IPO8: variants seen among roughly 807,000 people sequenced by gnomAD.
The protein encoded by IPO8 is importin 8, also known as importin-8.
A neutral mutation model predicts 141.2 loss-of-function variants in IPO8; 65 were observed. The ratio of observed to expected loss-of-function variants is 0.46; its 90% CI spans 0.38 to 0.57. The LOEUF is 0.57. Ranked by LOEUF, IPO8 falls within the 20% of genes least tolerant of loss-of-function variation. The pLI is 0.00. For synonymous variants in IPO8, 411 were observed against 420.3 expected, an observed-to-expected ratio of 0.98 and a Z score of 0.27; for missense variants, 980 against 1,246.8, an observed-to-expected ratio of 0.79 and a Z score of 3.22.
intron 22 of IPO8, among the ~76,000 whole-genome samples, chr12:30,636,111 A>G (rs1371603555): frequency 6.6e-6 from 1 of 152,128 alleles, no homozygotes; most frequent in Non-Finnish European, 1.5e-5. Context: ...ACAAATTAGA[A>G]GCTGTATTTT....
intron 5 of IPO8, chr12:30,677,067 A>G: frequency 5.3e-6 from 8 of 1,521,306 alleles, no homozygotes; most frequent in Non-Finnish European, 7.0e-6. Context: ...TGTGAGTTGC[A>G]GAAGACGGAT....
In IPO8 at chr12:30,662,472, T is replaced by A; in HGVS notation, c.1610A>T (p.Lys537Met). The A allele has an allele frequency of 6.2e-7, 1 of 1,610,918 alleles. No individual in the cohort carries two copies. The highest frequency in any genetic ancestry group is 8.5e-7 in the Non-Finnish European group (1 of 1,177,920). The change falls in exon 15 of 25, where the codon AAG becomes ATG. Residue 537 changes from lysine (K) to methionine (M), a missense_variant. Physicochemically the swap from Lys to Met is moderately conservative, Grantham distance 95 (BLOSUM62 -1). Transcript: ENST00000256079. ...SNQIQAKEYM[K>M]PHVRPIMQEL... is the part of the protein sequence containing the mutation. The stretch of plus-strand genomic sequence containing the variant: ...CTGCATAATAGGCCTCACATGTGGC[T>A]TCATATATTCCTTAGCTAATTCAAT...
intron 8 of IPO8, among the ~76,000 whole-genome samples, chr12:30,671,321 C>A (rs1307369885): frequency 1.3e-5 from 2 of 152,228 alleles, no homozygotes; most frequent in East Asian, 1.9e-4. Flanking sequence ...CAGGCAAAGT[C>A]TAAATTTCTA....
chr12:30,683,846 T>C (rs2053213386), intron 3 of IPO8, among the ~76,000 whole-genome samples: 1 of 152,182 alleles, frequency 6.6e-6, no homozygotes, highest in Admixed American at 6.5e-5. Context: ...CTCTATCCTG[T>C]CTTCTCTGAA....
intron 17 of IPO8, among the ~76,000 whole-genome samples, chr12:30,653,833 G>C (rs539726364): frequency 3.3e-5 from 5 of 152,132 alleles, no homozygotes; most frequent in Non-Finnish European, 7.4e-5. Context: ...CTGGAAACTT[G>C]ATTAAGGTTT....
intron 10 of IPO8, among the ~76,000 whole-genome samples, chr12:30,668,421 A>C (rs1305426497): frequency 6.6e-6 from 1 of 152,202 alleles, no homozygotes; most frequent in Non-Finnish European, 1.5e-5. Context: ...GCAGCGCTAG[A>C]TTTAGCAATC....
intron 22 of IPO8, among the ~76,000 whole-genome samples, chr12:30,636,606 T>G (rs1420046423): frequency 2.0e-5 from 3 of 152,180 alleles, no homozygotes; most frequent in African/African-American, 7.2e-5. Flanking sequence ...CAGCTCTTAA[T>G]GTAATGATTC....
At chr12:30,655,020 TA>T (rs1162170995) in intron 17 of IPO8, among the ~76,000 whole-genome samples, 11 of 148,342 alleles carry the variant, frequency 7.4e-5, no homozygotes, top group South Asian at 2.2e-4. Flanking sequence ...CAGTCCACCT[TA>T]AAAAAAAAAG....
At chr12:30,675,776 G>A (rs148906847) in intron 6 of IPO8, among the ~76,000 whole-genome samples, 1,603 of 150,668 alleles carry the variant, frequency 0.011, 33 homozygotes, top group East Asian at 0.082. Flanking sequence ...CCCGGGAGGC[G>A]GAGCTTGCAG....
intron 20 of IPO8, among the ~76,000 whole-genome samples, chr12:30,640,160 G>T (rs540455789): frequency 1.3e-5 from 2 of 152,182 alleles, no homozygotes; most frequent in Non-Finnish European, 2.9e-5. Flanking sequence ...TTTTGAGAAA[G>T]AAAATTCCTG....
At chr12:30,682,999 C>T (rs1180850469) in intron 3 of IPO8, among the ~76,000 whole-genome samples, 1 of 151,996 alleles carries the variant, frequency 6.6e-6, no homozygotes, top group Non-Finnish European at 1.5e-5. Flanking sequence ...CTCCTTTAAA[C>T]AATAAATGTC....
intron 22 of IPO8, 73 bp downstream of exon 22, chr12:30,636,909 G>C: frequency 8.4e-7 from 1 of 1,197,008 alleles, no homozygotes; most frequent in Non-Finnish European, 1.2e-6. Context: ...TCTCCATATA[G>C]ACTAGTATTC....
rs770215876 is a variant in IPO8 at position 30,630,904 on chromosome 12, C to T, written c.3070G>A (p.Val1024Ile). 1 of 1,613,758 alleles carries T rather than the reference C, an allele frequency of 6.2e-7. No homozygotes were observed. Among genetic ancestry groups the T allele is most frequent in the East Asian group, 2.2e-5 (1 of 44,872 alleles). ...QGGFTFENKG[V>I]LSAFNFGTVP... is the part of the protein sequence containing the mutation. ...GTCCCAAAATTAAATGCGGAGAGGA[C>T]TCCTTTGTTTTCAAAGGTGAAGCCT... Residue 1024 changes from valine to isoleucine, a missense_variant, in exon 25 of 25, where the codon GTC (valine) becomes ATC (isoleucine). By Grantham distance (29) the Val-to-Ile change is conservative. Coordinates refer to ENST00000256079, the MANE Select transcript of IPO8 (RefSeq NM_006390.4).
At chr12:30,682,537 T>C (rs2053199554) in intron 3 of IPO8, among the ~76,000 whole-genome samples, 1 of 152,186 alleles carries the variant, frequency 6.6e-6, no homozygotes, top group Non-Finnish European at 1.5e-5. Context: ...ATAAGTTATC[T>C]GATAACATAG....
At chr12:30,681,482 C>T (rs531108859) in intron 4 of IPO8, among the ~76,000 whole-genome samples, 177 bp downstream of exon 4, 2 of 152,286 alleles carry the variant, frequency 1.3e-5, no homozygotes, top group Admixed American at 1.3e-4. Context: ...TCCATCAGCA[C>T]ATTAAAGTTT....
rs879046478 is a variant in IPO8 at position 30,652,196 on chromosome 12, C to T, written c.2168G>A (p.Arg723Lys). The T allele has an allele frequency of 1.3e-6, 2 of 1,545,500 alleles. No individual in the cohort carries two copies. The highest frequency in any genetic ancestry group is 3.4e-5 in the Admixed American group (2 of 59,430). The change falls in exon 19 of 25, where the codon AGG (arginine) becomes AAG (lysine). Residue 723 changes from arginine (R) to lysine (K), a missense_variant. Physicochemically the swap from Arg to Lys is conservative, Grantham distance 26. Around this residue, in one of 3 missense-constraint regions of IPO8, gnomAD observed 924 missense variants for 1,153.9 expected, o/e 0.80. Coordinates refer to ENST00000256079, the MANE Select transcript of IPO8 (RefSeq NM_006390.4). ...AATAGATTAGGTCATGCTTACCTTC[C>T]TACACATTGTAAAAAGAATTTCTAA... Reference protein sequence around the residue: ...KHLEILFTMCRKVLCGDAGED... With the variant: ...KHLEILFTMCKKVLCGDAGED...
At chr12:30,649,861 C>T (rs548659648) in intron 19 of IPO8, among the ~76,000 whole-genome samples, 6 of 151,640 alleles carry the variant, frequency 4.0e-5, no homozygotes, top group African/African-American at 1.5e-4. Flanking sequence ...AATAAGATTC[C>T]CAATAATGTT....
chr12:30,653,210 C>T, intron 17 of IPO8, 118 bp from the exon 18 acceptor site: 1 of 778,424 alleles, frequency 1.3e-6, no homozygotes, highest in Non-Finnish European at 2.0e-6. Flanking sequence ...ATCCAATGTA[C>T]TCATAAGCCT....
At chr12:30,690,757 A>C (rs555835991) in intron 1 of IPO8, among the ~76,000 whole-genome samples, 180 bp from the exon 2 acceptor site, 1 of 152,344 alleles carries the variant, frequency 6.6e-6, no homozygotes, top group Admixed American at 6.5e-5. Flanking sequence ...TTTCCTGAGC[A>C]GAAACTGATG....
Sources: allele counts gnomAD v4.1 joint callset (sites outside exome capture counted in the v4.1 genomes callset), GRCh38; gene constraint gnomAD v4.1.1; regional missense constraint gnomAD v4.1.1; transcripts MANE v1.5; gene names NCBI Gene and HGNC (gene_info 2026-07-23, HGNC 2026-07-21).